PACS2: variants seen among roughly 807,000 people sequenced by gnomAD.
PACS2 encodes phosphofurin acidic cluster sorting protein 2.
In PACS2, 36 loss-of-function variants were observed where a neutral mutation model predicts 113.0. The observed-to-expected ratio is 0.32, with a 90% CI of 0.24 to 0.42. The LOEUF is 0.42. PACS2 is among the 10% of genes least tolerant of loss of function. PACS2 has a pLI of 1.00. For synonymous variants in PACS2, 589 were observed against 536.1 expected, an observed-to-expected ratio of 1.10 and a Z score of -1.36; for missense variants, 1,015 against 1,239.5, an observed-to-expected ratio of 0.82 and a Z score of 2.72.
chr14:105,337,215 C>T (rs1486499630), intron 1 of PACS2, among the ~76,000 whole-genome samples: 1 of 152,174 alleles, frequency 6.6e-6, no homozygotes, highest in Non-Finnish European at 1.5e-5. Context: ...TGTGTCAGGT[C>T]CCTAGAGTCA....
At chr14:105,302,208 T>C (rs1006835502) in intron 1 of PACS2, among the ~76,000 whole-genome samples, 10 of 149,820 alleles carry the variant, frequency 6.7e-5, no homozygotes, top group African/African-American at 1.5e-4. Flanking sequence ...TTCTTTCTTT[T>C]TTTTTTTTTT....
chr14:105,346,721 C>T (rs1193301584), intron 1 of PACS2, among the ~76,000 whole-genome samples: 3 of 6,872 alleles, frequency 4.4e-4, no homozygotes, highest in African/African-American at 2.9e-3. Flanking sequence ...ACAACTTCCC[C>T]CCCACCCCCT....
At position 105,384,090 on chromosome 14, in the gene PACS2, G is replaced by A. The variant is rs587705061; in HGVS notation, c.1781-263G>A. ...CCTGAGCCAGCCGAGGCCTCTGCACGGTCACATGTGCCCTGCTGGGCCTTC... is the reference window on the plus strand; with the variant it reads ...CCTGAGCCAGCCGAGGCCTCTGCACAGTCACATGTGCCCTGCTGGGCCTTC... On this transcript the variant is annotated intron_variant, in intron 16 of 24. Transcript: ENST00000447393. 66 of 477,036 alleles carry A rather than the reference G, an allele frequency of 1.4e-4. No homozygotes were observed. In the East Asian group the frequency reaches 2.2e-3, roughly 16 times the overall value. The allele number at this position is 477,036 out of a possible 1,614,324, so 29.6% of individuals were successfully genotyped here. A position where few individuals can be genotyped will look rare whatever the true frequency, so the allele number is the denominator to read the frequency against.
In PACS2 at chr14:105,357,874, G is replaced by A. The variant is rs1198363313; in HGVS notation, c.423+2697G>A. On this transcript the variant is annotated intron_variant, in intron 4 of 24. Coordinates refer to ENST00000447393, the MANE Select transcript of PACS2 (RefSeq NM_001100913.3). This position sits in a 1 kb window ranked among gnomAD's most constrained non-coding sequence, Gnocchi z 5.1. Reference sequence around the variant, plus strand: ...CGCCATGCATTTGAGAGTAGTGCTCGGCGGTGGGGAAGGGTCCTTGAGGGC... The same window carrying A: ...CGCCATGCATTTGAGAGTAGTGCTCAGCGGTGGGGAAGGGTCCTTGAGGGC... 2.0e-5 allele frequency among the ~76,000 whole-genome samples: 3 copies of A among 152,160 alleles called. No individual in the cohort carries two copies. The highest frequency in any genetic ancestry group is 1.9e-4 in the East Asian group (1 of 5,176).
At chr14:105,393,960 C>G (rs1457422644) in intron 24 of PACS2, among the ~76,000 whole-genome samples, 1 of 150,336 alleles carries the variant, frequency 6.7e-6, no homozygotes, top group Non-Finnish European at 1.5e-5. Context: ...ATGGCGTGAA[C>G]CCGGGTGGCG....
chr14:105,371,179 A>G (rs1388620213), intron 8 of PACS2: 1 of 152,284 alleles, frequency 6.6e-6, no homozygotes, highest in Non-Finnish European at 1.5e-5. Context: ...TGGGATGGTC[A>G]TCGGGCCCCT....
At chr14:105,389,846 C>A (rs1595181405) in intron 19 of PACS2, 115 bp from the exon 20 acceptor site, 2 of 928,466 alleles carry the variant, frequency 2.2e-6, no homozygotes, top group East Asian at 2.4e-5. Context: ...GCAGGGCCAT[C>A]CGGCAGGGCC....
Position 105,355,318 on chromosome 14 carries a change from G to GCCCA in PACS2, c.423+141_423+142insCCCA. On this transcript the variant is annotated intron_variant, in intron 4 of 24. Transcript: ENST00000447393. This position sits in a 1 kb window ranked among gnomAD's most constrained non-coding sequence, Gnocchi z 4.1. ...AATGATGAGAGGAGCCTGGGCGGCCGGGCTCCGCCATAAGGGCCAGGTGCG... is the reference window on the plus strand; with the variant it reads ...AATGATGAGAGGAGCCTGGGCGGCCGCCCAGGCTCCGCCATAAGGGCCAGGTGCG... 4 of 1,050,058 alleles carry GCCCA rather than the reference G, an allele frequency of 3.8e-6. No individual in the cohort carries two copies. The highest frequency in any genetic ancestry group is 5.3e-6 in the Non-Finnish European group (4 of 749,630). The allele number at this position is 1,050,058 out of a possible 1,614,324, so 65.0% of individuals were successfully genotyped here.
At chr14:105,363,131 C>A (rs1361865429) in intron 4 of PACS2, among the ~76,000 whole-genome samples, 3 of 152,124 alleles carry the variant, frequency 2.0e-5, no homozygotes, top group Non-Finnish European at 4.4e-5. Context: ...CACAGACAGT[C>A]GACTTTGCAT....
chr14:105,393,264 C>G lies in PACS2; in HGVS notation c.2525C>G (p.Ser842Cys). The change falls in exon 24 of 25, where the codon TCT becomes TGT. Residue 842 changes from serine to cysteine, a missense_variant. Ser to Cys is a moderately radical substitution (Grantham distance 112, BLOSUM62 -1). This residue lies in a region of PACS2 where 859 missense variants were observed against 1,056.8 expected (regional missense o/e 0.81). Coordinates refer to ENST00000447393, the MANE Select transcript of PACS2 (RefSeq NM_001100913.3). Reference sequence around the variant, plus strand: ...AAAGCGAAGGACAAGGACGTGGAGTCTAAGAGCCAGTGCATTGAGGGCATC... The same window carrying G: ...AAAGCGAAGGACAAGGACGTGGAGTGTAAGAGCCAGTGCATTGAGGGCATC... ...PKKAKDKDVESKSQCIEGISR... is the reference protein window; with the variant it reads ...PKKAKDKDVECKSQCIEGISR... 1.2e-6 allele frequency: 2 copies of G among 1,612,896 alleles called. No individual in the cohort carries two copies. The highest frequency in any genetic ancestry group is 8.5e-7 in the Non-Finnish European group (1 of 1,179,948).
rs587741851 is a variant in PACS2 at position 105,382,144 on chromosome 14, A to G, written c.1413+86A>G. ...CAGAGCAGGGCAAAAAGAGAAGCAC[A>G]GGGGGCCAAGGGTGCTGGGCCACAG... On this transcript the variant is annotated intron_variant, in intron 13 of 24. Transcript: ENST00000447393. 1.5e-4 allele frequency: 209 copies of G among 1,368,428 alleles called. No homozygotes were observed. In the African/African-American group the frequency reaches 2.2e-3, roughly 15 times the overall value. 84.8% of individuals were successfully genotyped at this position (1,368,428 alleles called of 1,614,324 possible). A position where few individuals can be genotyped will look rare whatever the true frequency, so the allele number is the denominator to read the frequency against.
intron 1 of PACS2, among the ~76,000 whole-genome samples, chr14:105,332,693 C>T (rs1377178715): frequency 1.3e-5 from 2 of 152,162 alleles, no homozygotes; most frequent in Non-Finnish European, 2.9e-5. Context: ...CTCTCGTGGG[C>T]GGTCCAAGAC....
intron 7 of PACS2, among the ~76,000 whole-genome samples, chr14:105,369,018 A>G (rs2061053593): frequency 1.3e-5 from 2 of 152,232 alleles, no homozygotes; most frequent in South Asian, 4.1e-4. Context: ...CGGCACTGGC[A>G]CAGAGGGTCC....
At chr14:105,392,392 C>T in intron 22 of PACS2, 1 of 568,618 alleles carries the variant, frequency 1.8e-6, no homozygotes, top group Admixed American at 3.1e-5. Flanking sequence ...GCCTCCCAGG[C>T]CGAGGCTCTC....
intron 18 of PACS2, 139 bp from the exon 19 acceptor site, chr14:105,385,546 C>G: frequency 1.8e-6 from 1 of 558,944 alleles, no homozygotes; most frequent in Non-Finnish European, 3.1e-6. Context: ...GAGTGCAAGG[C>G]GCAAAGCCAG....
chr14:105,379,602 G>A, intron 9 of PACS2, 137 bp from the exon 10 acceptor site: 1 of 687,794 alleles, frequency 1.5e-6, no homozygotes, highest in South Asian at 1.7e-5. Flanking sequence ...GCTGACACGG[G>A]CTCTTCTCTG....
intron 1 of PACS2, among the ~76,000 whole-genome samples, chr14:105,335,436 TGGCGTGGCTCTGACGCTGTGGCC>T (rs1383511846): frequency 1.8e-4 from 28 of 152,058 alleles, no homozygotes; most frequent in African/African-American, 6.8e-4. Flanking sequence ...GGCCGGCGCC[TGGCGTGGCTCTGACGCTGTGGCC>T]GGCGCCTGGC....
At chr14:105,333,335 A>G (rs1291478379) in intron 1 of PACS2, among the ~76,000 whole-genome samples, 1 of 152,038 alleles carries the variant, frequency 6.6e-6, no homozygotes, top group Non-Finnish European at 1.5e-5. Flanking sequence ...GGGACACTAC[A>G]CTGGGAAGCT....
chr14:105,314,473 C>CGCCCCGGGCGGGGT (rs1456422512), upstream of PACS2: 269 of 149,572 alleles, frequency 1.8e-3, no homozygotes, highest in African/African-American at 6.4e-3. Flanking sequence ...CGGGGCGGGG[C>CGCCCCGGGCGGGGT]GCCCCGGGCG....
Sources: allele counts gnomAD v4.1 joint callset (sites outside exome capture counted in the v4.1 genomes callset), GRCh38; gene constraint gnomAD v4.1.1; regional missense constraint gnomAD v4.1.1; non-coding constraint Gnocchi (gnomAD v3.1); transcripts MANE v1.5; gene names NCBI Gene and HGNC (gene_info 2026-07-23, HGNC 2026-07-21).